The following MAGI1 variants were observed in gnomAD, a reference collection of about 807,000 sequenced individuals.
MAGI1 encodes the protein membrane-associated guanylate kinase, WW and PDZ domain-containing protein 1.
Under a neutral mutation model 139.9 loss-of-function variants are expected in MAGI1, and 58 were observed. That is an observed-to-expected ratio of 0.41 (90% CI 0.34 to 0.52). The LOEUF (loss-of-function observed/expected upper bound fraction) is 0.52. Among genes scored for constraint, MAGI1 ranks in the 20% least tolerant of loss-of-function variants. The pLI is 0.12. For synonymous variants in MAGI1, 812 were observed against 737.9 expected (o/e 1.10, Z -1.63); for missense variants, 1,874 against 1,901.6 (o/e 0.99, Z 0.27).
chr3:65,608,157 G>A (rs1347781620), intron 2 of MAGI1, among the ~76,000 whole-genome samples: 8 of 152,084 alleles, frequency 5.3e-5, no homozygotes, highest in South Asian at 2.1e-4. Flanking sequence ...AAAGACAAAC[G>A]GGGACCGGGT....
chr3:65,370,300 C>A (rs927337450), intron 18 of MAGI1, among the ~76,000 whole-genome samples: 3 of 152,280 alleles, frequency 2.0e-5, no homozygotes, highest in African/African-American at 7.2e-5. Flanking sequence ...CATATTCACC[C>A]TCTGCCAGAC....
intron 1 of MAGI1, among the ~76,000 whole-genome samples, chr3:65,978,052 T>C (rs6795228): frequency 0.14 from 21,896 of 152,158 alleles, 1,736 homozygotes; most frequent in East Asian, 0.26. Context: ...CCGCATTTAT[T>C]CACTCACATG....
chr3:65,672,620 T>C (rs2086932294), intron 1 of MAGI1, among the ~76,000 whole-genome samples: 1 of 152,138 alleles, frequency 6.6e-6, no homozygotes, highest in Non-Finnish European at 1.5e-5. Context: ...AGGGTGTCTG[T>C]AAGGCACGGA....
In MAGI1 at chr3:65,918,038, T is replaced by C. The variant is rs540469699; in HGVS notation, c.313+119958A>G. ...GCACAGGCTGGAAGCAGAGGGTACA[T>C]AGGAAATCTTTGTACCTTCCTCTCA... On this transcript the variant is annotated intron_variant, in intron 1 of 22. Coordinates refer to ENST00000402939, the MANE Select transcript of MAGI1 (RefSeq NM_001033057.2). 2.2e-4 allele frequency among the ~76,000 whole-genome samples: 34 copies of C among 152,318 alleles called. No individual in the cohort carries two copies. The South Asian group carries it at 3.3e-3, about 15-fold the overall frequency.
At chr3:65,727,699 G>A (rs781286129) in intron 1 of MAGI1, among the ~76,000 whole-genome samples, 6 of 152,052 alleles carry the variant, frequency 3.9e-5, no homozygotes, top group Non-Finnish European at 7.4e-5. Context: ...CCTTTCTTTT[G>A]TTTCAATCAA....
chr3:65,593,015 C>T (rs1221902454), intron 2 of MAGI1, among the ~76,000 whole-genome samples: 1 of 151,968 alleles, frequency 6.6e-6, no homozygotes, highest in African/African-American at 2.4e-5. Context: ...ATAGTAGGCA[C>T]TCAAATATTA....
intron 1 of MAGI1, among the ~76,000 whole-genome samples, chr3:65,949,303 C>A (rs568661351): frequency 6.6e-6 from 1 of 152,076 alleles, no homozygotes; most frequent in Non-Finnish European, 1.5e-5. Context: ...CATTGTTGGA[C>A]GAGGTGTTAA....
intron 2 of MAGI1, among the ~76,000 whole-genome samples, chr3:65,570,030 G>C (rs1461963752): frequency 1.3e-5 from 2 of 149,884 alleles, no homozygotes; most frequent in Admixed American, 6.6e-5. Flanking sequence ...ACCACTAGGT[G>C]AGCTCTTTCC....
chr3:65,504,709 C>G (rs776306574), intron 2 of MAGI1, among the ~76,000 whole-genome samples: 5 of 152,198 alleles, frequency 3.3e-5, no homozygotes, highest in Non-Finnish European at 7.3e-5. Context: ...TGGTAAAACC[C>G]TTCCCCACAA....
At chr3:65,486,342 C>T (rs1322117635) in intron 3 of MAGI1, among the ~76,000 whole-genome samples, 2 of 152,164 alleles carry the variant, frequency 1.3e-5, no homozygotes, top group Non-Finnish European at 2.9e-5. Flanking sequence ...GCCTCTTCTA[C>T]CCAGAGGCAT....
intron 18 of MAGI1, among the ~76,000 whole-genome samples, chr3:65,375,252 G>A (rs1298737646): frequency 6.7e-6 from 1 of 150,022 alleles, no homozygotes; most frequent in South Asian, 2.1e-4. Context: ...GCAGTGGTGC[G>A]ATCTCAGCTC....
intron 1 of MAGI1, among the ~76,000 whole-genome samples, chr3:65,794,980 G>A (rs912412092): frequency 4.6e-5 from 7 of 151,984 alleles, no homozygotes; most frequent in Non-Finnish European, 8.8e-5. Flanking sequence ...ATCCAACGAC[G>A]CAAATGACTA....
chr3:65,511,007 C>G (rs1349661606), intron 2 of MAGI1, among the ~76,000 whole-genome samples: 3 of 146,218 alleles, frequency 2.1e-5, no homozygotes, highest in African/African-American at 5.0e-5. Context: ...ATTCAACATT[C>G]TTAAAGAAAA....
At chr3:65,440,547 G>T (rs1461750019) in intron 8 of MAGI1, among the ~76,000 whole-genome samples, 1 of 152,136 alleles carries the variant, frequency 6.6e-6, no homozygotes, top group Non-Finnish European at 1.5e-5. Context: ...TACAATGCCA[G>T]AACTGCTGTG....
chr3:65,862,598 C>A (rs1575748136), intron 1 of MAGI1, among the ~76,000 whole-genome samples: 1 of 152,192 alleles, frequency 6.6e-6, no homozygotes, highest in Non-Finnish European at 1.5e-5. Flanking sequence ...GGTTCTATAG[C>A]TAACAGAAAT....
intron 1 of MAGI1, among the ~76,000 whole-genome samples, chr3:65,856,478 A>C (rs2059382314): frequency 6.6e-6 from 1 of 152,212 alleles, no homozygotes; most frequent in South Asian, 2.1e-4. Flanking sequence ...GAACTCAGGT[A>C]TCTGATCCAA....
chr3:65,732,741 G>C (rs1222992034), intron 1 of MAGI1, among the ~76,000 whole-genome samples: 3 of 152,164 alleles, frequency 2.0e-5, no homozygotes, highest in African/African-American at 7.2e-5. Context: ...CAAAAGTTAT[G>C]CATATCTTCC....
At chr3:65,469,010 C>T (rs1950380562) in intron 5 of MAGI1, among the ~76,000 whole-genome samples, 1 of 146,420 alleles carries the variant, frequency 6.8e-6, no homozygotes, top group South Asian at 2.2e-4. Flanking sequence ...CACACACACA[C>T]AAAGTATAAA....
chr3:65,619,113 T>G (rs1342059245), intron 2 of MAGI1, among the ~76,000 whole-genome samples: 1 of 152,136 alleles, frequency 6.6e-6, no homozygotes, highest in Non-Finnish European at 1.5e-5. Flanking sequence ...AACAGGTAAG[T>G]TGTATGGTAT....
Sources: allele counts gnomAD v4.1 joint callset (sites outside exome capture counted in the v4.1 genomes callset), GRCh38; gene constraint gnomAD v4.1.1; transcripts MANE v1.5; gene names NCBI Gene and HGNC (gene_info 2026-07-23, HGNC 2026-07-21).